The following LAMA4 variants were observed in gnomAD, a reference collection of about 807,000 sequenced individuals.
The protein encoded by LAMA4 is laminin subunit alpha 4.
LAMA4 carries 127 observed loss-of-function variants against 207.1 expected under a neutral mutation model. The ratio of observed to expected loss-of-function variants is 0.61; its 90% CI spans 0.53 to 0.71. The LOEUF (loss-of-function observed/expected upper bound fraction) is 0.71. Among genes scored for constraint, LAMA4 ranks in the 30% least tolerant of loss-of-function variants. LAMA4 has a pLI of 0.00. For missense variants in LAMA4, 2,093 were observed against 2,246.5 expected (o/e 0.93, Z 1.38); for synonymous variants, 761 against 816.0 (o/e 0.93, Z 1.15).
At chr6:112,213,123 G>C (rs1554357340) in intron 3 of LAMA4, among the ~76,000 whole-genome samples, 1 of 152,190 alleles carries the variant, frequency 6.6e-6, no homozygotes, top group African/African-American at 2.4e-5. Flanking sequence ...TTAATCAAAA[G>C]GAAAATGAGG....
intron 2 of LAMA4, among the ~76,000 whole-genome samples, chr6:112,217,291 G>T (rs1434834928): frequency 1.3e-5 from 2 of 152,162 alleles, no homozygotes; most frequent in Non-Finnish European, 2.9e-5. Flanking sequence ...TTAGGCTGTG[G>T]ATATGCATTT....
intron 8 of LAMA4, among the ~76,000 whole-genome samples, chr6:112,185,971 C>T (rs1392372405): frequency 6.6e-6 from 1 of 152,172 alleles, no homozygotes; most frequent in African/African-American, 2.4e-5. Flanking sequence ...ATCTGGGTGA[C>T]TCCCCTGGGG....
intron 4 of LAMA4, among the ~76,000 whole-genome samples, chr6:112,206,342 G>A (rs1784057267): frequency 6.6e-6 from 1 of 152,180 alleles, no homozygotes; most frequent in Admixed American, 6.5e-5. Context: ...CCCAGTTGGT[G>A]TCAGAGAGTT....
chr6:112,179,128 T>A (rs1782195787), intron 9 of LAMA4: 1 of 152,184 alleles, frequency 6.6e-6, no homozygotes, highest in South Asian at 2.1e-4. Context: ...TCAGCGTGAA[T>A]GGAGCTCTTC....
intron 10 of LAMA4, among the ~76,000 whole-genome samples, chr6:112,177,035 A>G (rs1782063992): frequency 6.6e-6 from 1 of 152,192 alleles, no homozygotes; most frequent in Admixed American, 6.5e-5. Flanking sequence ...AGAGGCATTT[A>G]TTTCTTAGTT....
In LAMA4 at chr6:112,114,277, A is replaced by G. The variant is rs1052938515; in HGVS notation, c.5207-82T>C. ...CTGAGAAAGACTATTTATCACAGCA[A>G]TTGCTTTTATTTATTCCAGAATAAA... On this transcript the variant is annotated intron_variant, in intron 37 of 38. Coordinates refer to ENST00000230538, the MANE Select transcript of LAMA4 (RefSeq NM_001105206.3). 14 of 1,386,666 alleles carry G rather than the reference A, an allele frequency of 1.0e-5. No homozygotes were observed. In the East Asian group the frequency reaches 2.1e-4, roughly 20 times the overall value. The allele number at this position is 1,386,666 out of a possible 1,614,324, so 85.9% of individuals were successfully genotyped here. A position where few individuals can be genotyped will look rare whatever the true frequency, so the allele number is the denominator to read the frequency against.
intron 17 of LAMA4, among the ~76,000 whole-genome samples, chr6:112,149,888 GT>G (rs1247255545): frequency 2.0e-5 from 3 of 152,190 alleles, no homozygotes; most frequent in Admixed American, 1.3e-4. Flanking sequence ...TGCTGCACTA[GT>G]TTTTTAACTT....
intron 2 of LAMA4, among the ~76,000 whole-genome samples, chr6:112,225,998 C>A (rs1554362342): frequency 6.6e-6 from 1 of 152,146 alleles, no homozygotes; most frequent in Non-Finnish European, 1.5e-5. Flanking sequence ...TACCTCCTGC[C>A]TCCCTTTGTA....
In LAMA4 at chr6:112,169,802, A is replaced by T. The variant is rs940066198; in HGVS notation, c.1551+2809T>A. 6.6e-5 allele frequency among the ~76,000 whole-genome samples: 10 copies of T among 152,352 alleles called. No individual in the cohort carries two copies. The East Asian group carries it at 1.7e-3, about 26-fold the overall frequency. ...CATGAAGTTTAAAAAAATCTGTATA[A>T]GTTTATTTAAAAGCTATTCTGGCAT... is the stretch of plus-strand genomic sequence containing the variant. On this transcript the variant is annotated intron_variant, in intron 12 of 38. Transcript: ENST00000230538.
At chr6:112,125,342 T>A (rs1379625407) in intron 31 of LAMA4, among the ~76,000 whole-genome samples, 2 of 152,174 alleles carry the variant, frequency 1.3e-5, no homozygotes, top group Non-Finnish European at 2.9e-5. Context: ...AGGAAGAGAA[T>A]CTGATAGCCG....
intron 30 of LAMA4, 101 bp from the exon 31 acceptor site, chr6:112,129,176 GTGTGTGTGTGCA>G (rs1434111642): frequency 3.5e-6 from 2 of 573,838 alleles, no homozygotes; most frequent in Non-Finnish European, 5.6e-6. Context: ...TAAAATGTGT[GTGTGTGTGTGCA>G]TGTGTGTGTG....
At chr6:112,176,457 T>C (rs1391311622) in intron 10 of LAMA4, among the ~76,000 whole-genome samples, 1 of 152,178 alleles carries the variant, frequency 6.6e-6, no homozygotes, top group African/African-American at 2.4e-5. Context: ...CATACCAGGA[T>C]AAGGGGTTGT....
At chr6:112,146,369 A>C (rs1780029858) in intron 18 of LAMA4, among the ~76,000 whole-genome samples, 1 of 152,030 alleles carries the variant, frequency 6.6e-6, no homozygotes. Flanking sequence ...AAATTTTTCC[A>C]GAGTTTCATT....
chr6:112,187,544 ATGGAGAGCGC>A lies in LAMA4; in HGVS notation c.862_871del (p.Ala288SerfsTer9), dbSNP rs1782762752. ...CAGCACCCCGGATTTGCCTTCCTCG[ATGGAGAGCGC>A]TGCTAACCGCAGGTCATCAGTCAGG... On this transcript the variant is annotated frameshift_variant, in exon 8 of 39. Coordinates refer to ENST00000230538, the MANE Select transcript of LAMA4 (RefSeq NM_001105206.3). LOFTEE classifies it high-confidence loss of function. 6 of 1,614,106 alleles carry A rather than the reference ATGGAGAGCGC, an allele frequency of 3.7e-6. No homozygotes were observed. The highest frequency in any genetic ancestry group is 4.2e-6 in the Non-Finnish European group (5 of 1,179,992).
chr6:112,149,917 G>A (rs552235418), intron 17 of LAMA4, among the ~76,000 whole-genome samples: 1 of 152,266 alleles, frequency 6.6e-6, no homozygotes, highest in South Asian at 2.1e-4. Flanking sequence ...GCGAAGGAAG[G>A]CACATCTGCT....
chr6:112,222,783 C>G (rs1332403318), intron 2 of LAMA4, among the ~76,000 whole-genome samples: 1 of 152,170 alleles, frequency 6.6e-6, no homozygotes, highest in Admixed American at 6.5e-5. Context: ...GAAGTACTTG[C>G]TACGCTTGCT....
chr6:112,136,167 C>G lies in LAMA4; in HGVS notation c.3370G>C (p.Asp1124His). The change falls in exon 25 of 39, where the codon GAT (aspartate) becomes CAT (histidine). Residue 1124 changes from aspartate to histidine, a missense_variant. Physicochemically the swap from Asp to His is moderately conservative, Grantham distance 81. Transcript: ENST00000230538. The stretch of plus-strand genomic sequence containing the variant: ...TTAATTTGAGCTTTCTTTAACGTAT[C>G]TTCAAGATGCACAGGGCCACCGCTG... ...GFSGGPVHLE[D>H]TLKKAQINDA... 1.9e-6 allele frequency: 3 copies of G among 1,612,794 alleles called. No homozygotes were observed. The highest frequency in any genetic ancestry group is 8.5e-7 in the Non-Finnish European group (1 of 1,179,040).
chr6:112,201,698 G>T lies in LAMA4; in HGVS notation c.423-10C>A. The T allele has an allele frequency of 2.5e-6, 4 of 1,611,484 alleles. No individual in the cohort carries two copies. Among genetic ancestry groups the T allele is most frequent in the Non-Finnish European group, 3.4e-6 (4 of 1,177,760 alleles). ...GCAGGATTCTGCAAAACTAAAATTG[G>T]AAGCAAATATTGGAAGTCAATTCCA... On this transcript the variant is annotated splice_polypyrimidine_tract_variant and intron_variant, in intron 4 of 38. Coordinates refer to ENST00000230538, the MANE Select transcript of LAMA4 (RefSeq NM_001105206.3).
At chr6:112,218,054 TA>T (rs1398948413) in intron 2 of LAMA4, 1 of 152,194 alleles carries the variant, frequency 6.6e-6, no homozygotes, top group Non-Finnish European at 1.5e-5. Flanking sequence ...ATAATGTACC[TA>T]AAACTTCTCT....
Sources: gnomAD v4.1 joint callset for allele counts (sites outside exome capture counted in the v4.1 genomes callset) on GRCh38, gnomAD v4.1.1 for gene constraint, MANE v1.5 for transcripts, NCBI Gene and HGNC (gene_info 2026-07-23, HGNC 2026-07-21) for gene names.